SORCS3: variants seen among roughly 807,000 people sequenced by gnomAD.
SORCS3 encodes VPS10 domain-containing receptor SorCS3.
Under a neutral mutation model 146.3 loss-of-function variants are expected in SORCS3, and 57 were observed. That is an observed-to-expected ratio of 0.39 (90% confidence interval 0.31 to 0.49). The LOEUF is 0.49. Ranked by LOEUF, SORCS3 falls within the 20% of genes least tolerant of loss-of-function variation. The probability of loss-of-function intolerance (pLI) is 0.92; values close to 1 mark genes in which losing one functional copy is unlikely to be tolerated. For synonymous variants in SORCS3, 653 were observed against 618.5 expected (o/e 1.06, Z -0.83); for missense variants, 1,341 against 1,575.5 (o/e 0.85, Z 2.52).
At chr10:104,985,161 T>G (rs2054955096) in intron 4 of SORCS3, among the ~76,000 whole-genome samples, 1 of 152,180 alleles carries the variant, frequency 6.6e-6, no homozygotes, top group South Asian at 2.1e-4. Context: ...GAGTCAATCC[T>G]CTCCAGCCCT....
chr10:105,219,091 T>C (rs2056683470), intron 19 of SORCS3, among the ~76,000 whole-genome samples: 1 of 152,168 alleles, frequency 6.6e-6, no homozygotes, highest in Admixed American at 6.5e-5. Context: ...GGATGAGGTG[T>C]GCATGTGTTG....
chr10:105,003,075 G>A (rs990866373), intron 4 of SORCS3, among the ~76,000 whole-genome samples: 1 of 152,160 alleles, frequency 6.6e-6, no homozygotes, highest in African/African-American at 2.4e-5. Context: ...AACCCTGACA[G>A]CTGGGATCTG....
At chr10:104,986,242 C>T (rs537399962) in intron 4 of SORCS3, among the ~76,000 whole-genome samples, 1 of 152,316 alleles carries the variant, frequency 6.6e-6, no homozygotes, top group South Asian at 2.1e-4. Flanking sequence ...ATGGAGATGG[C>T]TTATTTCCTT....
At chr10:105,103,569 G>A (rs1035998336) in intron 6 of SORCS3, among the ~76,000 whole-genome samples, 7 of 152,156 alleles carry the variant, frequency 4.6e-5, no homozygotes, top group African/African-American at 1.4e-4. Flanking sequence ...AAAGAGCACA[G>A]GTAATGGAGG....
intron 5 of SORCS3, among the ~76,000 whole-genome samples, chr10:105,057,456 C>T (rs1248086035): frequency 6.6e-6 from 1 of 152,066 alleles, no homozygotes; most frequent in Non-Finnish European, 1.5e-5. Context: ...AATTCCATAG[C>T]GTAGACACTG....
chr10:105,089,341 G>T (rs911634307), intron 5 of SORCS3, among the ~76,000 whole-genome samples: 2 of 152,148 alleles, frequency 1.3e-5, no homozygotes, highest in Admixed American at 6.5e-5. Flanking sequence ...GTTCCCCATC[G>T]GGTAGAACAG....
chr10:105,205,850 T>G (rs2056599150), intron 16 of SORCS3, among the ~76,000 whole-genome samples: 1 of 152,158 alleles, frequency 6.6e-6, no homozygotes, highest in African/African-American at 2.4e-5. Context: ...ATTTTACAGA[T>G]AAAGGAATGG....
At chr10:104,841,930 C>T (rs182027154) in intron 1 of SORCS3, among the ~76,000 whole-genome samples, 7 of 152,306 alleles carry the variant, frequency 4.6e-5, no homozygotes, top group Admixed American at 2.0e-4. Context: ...TTCAGGTGCA[C>T]GCACTTAGCA....
At chr10:105,064,341 G>A (rs2055507661) in intron 5 of SORCS3, among the ~76,000 whole-genome samples, 1 of 152,212 alleles carries the variant, frequency 6.6e-6, no homozygotes, top group Admixed American at 6.5e-5. Flanking sequence ...GCTCTCCAGA[G>A]AGAGAACCAA....
intron 2 of SORCS3, among the ~76,000 whole-genome samples, chr10:104,860,475 C>G (rs984481767): frequency 1.9e-4 from 27 of 145,374 alleles, no homozygotes; most frequent in Middle Eastern, 3.5e-3. Flanking sequence ...TGCTAAATGA[C>G]GAGTTAATGG....
At chr10:105,037,390 A>G (rs1465915236) in intron 4 of SORCS3, among the ~76,000 whole-genome samples, 3 of 152,218 alleles carry the variant, frequency 2.0e-5, no homozygotes, top group Non-Finnish European at 4.4e-5. Flanking sequence ...TTGAAGTAAC[A>G]GAAATATATT....
intron 4 of SORCS3, among the ~76,000 whole-genome samples, chr10:105,003,792 T>C (rs371592952): frequency 9.5e-4 from 145 of 152,244 alleles, no homozygotes; most frequent in Middle Eastern, 3.4e-3. Context: ...GAACTGGGGC[T>C]TTGAAAATGT....
At chr10:105,124,681 C>T (rs913474719) in intron 7 of SORCS3, among the ~76,000 whole-genome samples, 4 of 152,120 alleles carry the variant, frequency 2.6e-5, no homozygotes, top group African/African-American at 9.7e-5. Context: ...TCCTCCTTCT[C>T]TTCTCTTGTT....
chr10:104,938,031 T>A (rs1435381798), intron 3 of SORCS3, among the ~76,000 whole-genome samples: 1 of 152,132 alleles, frequency 6.6e-6, no homozygotes, highest in African/African-American at 2.4e-5. Flanking sequence ...TACCCTTTGA[T>A]TTTGCTGAAG....
intron 1 of SORCS3, among the ~76,000 whole-genome samples, chr10:104,829,124 C>T (rs768401795): frequency 1.3e-5 from 2 of 152,148 alleles, no homozygotes; most frequent in African/African-American, 2.4e-5. Flanking sequence ...TGTTATATCT[C>T]TGTTGATTAA....
intron 6 of SORCS3, 82 bp from the exon 7 acceptor site, chr10:105,105,315 T>G: frequency 1.3e-6 from 1 of 781,202 alleles, no homozygotes; most frequent in Non-Finnish European, 2.2e-6. Context: ...GATTCCCCCA[T>G]GAAGTAGAGT....
intron 1 of SORCS3, among the ~76,000 whole-genome samples, chr10:104,838,294 G>A (rs1342032352): frequency 2.6e-5 from 4 of 151,982 alleles, no homozygotes; most frequent in Admixed American, 6.6e-5. Flanking sequence ...TTTCTGGTCC[G>A]AGTACTTGCC....
At chr10:104,823,850 C>T (rs1373436377) in intron 1 of SORCS3, among the ~76,000 whole-genome samples, 1 of 152,106 alleles carries the variant, frequency 6.6e-6, no homozygotes, top group African/African-American at 2.4e-5. Flanking sequence ...AAGCGATTGT[C>T]TTGAATTATT....
intron 3 of SORCS3, among the ~76,000 whole-genome samples, chr10:104,940,229 TATATATA>T (rs1356660792): frequency 1.8e-4 from 3 of 17,064 alleles, no homozygotes; most frequent in Non-Finnish European, 2.8e-4. Context: ...TATATATATA[TATATATA>T]TATTTTTTTT....
Sources: gnomAD v4.1 joint callset for allele counts (sites outside exome capture counted in the v4.1 genomes callset) on GRCh38, gnomAD v4.1.1 for gene constraint, MANE v1.5 for transcripts, NCBI Gene and HGNC (gene_info 2026-07-23, HGNC 2026-07-21) for gene names.